MTUS2: variants seen among roughly 807,000 people sequenced by gnomAD.
MTUS2 encodes the protein microtubule-associated tumor suppressor candidate 2.
In MTUS2, 40 loss-of-function variants were observed where a neutral mutation model predicts 114.1. That is an observed-to-expected ratio of 0.35 (90% CI 0.27 to 0.46). The LOEUF (loss-of-function observed/expected upper bound fraction) is 0.46. Ranked by LOEUF, MTUS2 falls within the 20% of genes least tolerant of loss-of-function variation. MTUS2 has a pLI of 1.00. For synonymous variants in MTUS2, 688 were observed against 672.0 expected, an observed-to-expected ratio of 1.02 and a Z score of -0.37; for missense variants, 1,679 against 1,705.4, an observed-to-expected ratio of 0.98 and a Z score of 0.27.
At chr13:29,252,091 A>G (rs1030854367) in intron 5 of MTUS2, among the ~76,000 whole-genome samples, 1 of 152,208 alleles carries the variant, frequency 6.6e-6, no homozygotes, top group African/African-American at 2.4e-5. Context: ...GCATAGAAAT[A>G]AAACTGATTT....
chr13:28,989,437 A>G (rs1884724871), intron 2 of MTUS2, among the ~76,000 whole-genome samples: 1 of 152,256 alleles, frequency 6.6e-6, no homozygotes, highest in Non-Finnish European at 1.5e-5. Context: ...AATTGGCCTC[A>G]TTAACAAAGT....
rs114864476 is a variant in MTUS2, at chr13:29,140,485, A to G, written c.2644+39515A>G. ...AGCGTAGTGAAGGAGAACAGAAATC[A>G]GTGCTAAATGCCGCAGTTATTTCTG... On this transcript the variant is annotated intron_variant, in intron 5 of 15. Coordinates refer to ENST00000612955, the MANE Select transcript of MTUS2 (RefSeq NM_001033602.4). 8.3e-4 allele frequency among the ~76,000 whole-genome samples: 126 copies of G among 152,348 alleles called. 1 individual carries two copies. The highest frequency in any genetic ancestry group is 2.9e-3 in the African/African-American group (121 of 41,584).
intron 2 of MTUS2, among the ~76,000 whole-genome samples, chr13:28,842,091 G>A (rs527502267): frequency 2.0e-5 from 3 of 152,238 alleles, no homozygotes; most frequent in South Asian, 2.1e-4. Context: ...AAACATGATC[G>A]ATTACAAACA....
chr13:28,893,040 C>T (rs1239062560), intron 2 of MTUS2, among the ~76,000 whole-genome samples: 1 of 152,118 alleles, frequency 6.6e-6, no homozygotes, highest in African/African-American at 2.4e-5. Context: ...GATGGCCTTC[C>T]ACATGGTTGG....
Position 28,927,885 on chromosome 13 carries a change from C to A in MTUS2, c.-243+88035C>A, listed in dbSNP as rs1407696341. Among the ~76,000 whole-genome samples the A allele has an allele frequency of 5.3e-5, 8 of 152,084 alleles. 1 individual carries two copies. On this transcript the variant is annotated intron_variant, in intron 2 of 15. Coordinates refer to ENST00000612955, the MANE Select transcript of MTUS2 (RefSeq NM_001033602.4). ...AAAATATACTACAAAGCTACAGTAA[C>A]CAAATCAGCATGGTACTGGCATAAA... is the stretch of plus-strand genomic sequence containing the variant.
intron 2 of MTUS2, among the ~76,000 whole-genome samples, chr13:28,929,461 AACAT>A (rs1216722506): frequency 1.3e-5 from 2 of 152,214 alleles, no homozygotes. Context: ...ATCAATAAAA[AACAT>A]AAAAATATTT....
intron 5 of MTUS2, among the ~76,000 whole-genome samples, chr13:29,257,089 G>A (rs1897305315): frequency 6.6e-6 from 1 of 152,100 alleles, no homozygotes; most frequent in Non-Finnish European, 1.5e-5. Context: ...TGCTTAGCTG[G>A]GACCCTTCCT....
intron 5 of MTUS2, among the ~76,000 whole-genome samples, chr13:29,169,070 A>C (rs1247820319): frequency 1.3e-5 from 2 of 152,172 alleles, no homozygotes; most frequent in Admixed American, 1.3e-4. Flanking sequence ...TTGATAGGAC[A>C]GCTGCCTCAG....
At chr13:29,208,221 G>C (rs1305408423) in intron 5 of MTUS2, among the ~76,000 whole-genome samples, 1 of 152,016 alleles carries the variant, frequency 6.6e-6, no homozygotes, top group Admixed American at 6.6e-5. Context: ...TGCATGTAAA[G>C]GTGTTCATAG....
chr13:29,131,543 A>C (rs187844270), intron 5 of MTUS2, among the ~76,000 whole-genome samples: 2 of 152,262 alleles, frequency 1.3e-5, no homozygotes, highest in African/African-American at 4.8e-5. Context: ...GGCCATGGCA[A>C]TGGTGGGGCA....
At chr13:29,007,662 G>A (rs1403026388) in intron 2 of MTUS2, among the ~76,000 whole-genome samples, 1 of 152,158 alleles carries the variant, frequency 6.6e-6, no homozygotes, top group Non-Finnish European at 1.5e-5. Flanking sequence ...AAGATGACAA[G>A]GATGAAGACC....
intron 5 of MTUS2, among the ~76,000 whole-genome samples, chr13:29,115,399 T>C (rs1380230296): frequency 1.3e-5 from 2 of 152,210 alleles, no homozygotes; most frequent in Non-Finnish European, 2.9e-5. Flanking sequence ...GAATTTGGCA[T>C]TGGGATCTGA....
chr13:29,273,568 G>T (rs559192729), intron 5 of MTUS2, among the ~76,000 whole-genome samples: 2 of 152,188 alleles, frequency 1.3e-5, no homozygotes, highest in South Asian at 4.1e-4. Flanking sequence ...TTCAAGTACC[G>T]TAAAATTTAC....
At chr13:29,422,639 A>ATTTCT (rs1401048649) in intron 8 of MTUS2, among the ~76,000 whole-genome samples, 2 of 123,454 alleles carry the variant, frequency 1.6e-5, no homozygotes, top group African/African-American at 6.1e-5. Flanking sequence ...TGATGTCATG[A>ATTTCT]TTTCTTTTCT....
chr13:28,883,777 A>T (rs546696492), intron 2 of MTUS2, among the ~76,000 whole-genome samples: 1 of 152,166 alleles, frequency 6.6e-6, no homozygotes, highest in South Asian at 2.1e-4. Flanking sequence ...CACTGAAGAG[A>T]TGCTTAATAT....
chr13:29,276,339 C>A (rs900818943), intron 5 of MTUS2, among the ~76,000 whole-genome samples: 1 of 152,152 alleles, frequency 6.6e-6, no homozygotes, highest in Non-Finnish European at 1.5e-5. Flanking sequence ...ATTTTTCAGT[C>A]ATATATATAC....
At chr13:28,864,653 C>T (rs1161454) in intron 2 of MTUS2, among the ~76,000 whole-genome samples, 1 of 152,170 alleles carries the variant, frequency 6.6e-6, no homozygotes, top group African/African-American at 2.4e-5. Context: ...AGAAGTTGTA[C>T]GGTTTTAAGT....
At chr13:29,102,354 A>C (rs781762039) in intron 5 of MTUS2, among the ~76,000 whole-genome samples, 2 of 152,172 alleles carry the variant, frequency 1.3e-5, no homozygotes, top group Non-Finnish European at 2.9e-5. Flanking sequence ...AGGAGTTAAG[A>C]TTTTGATGTC....
intron 8 of MTUS2, among the ~76,000 whole-genome samples, chr13:29,383,103 G>A (rs1872338119): frequency 6.6e-6 from 1 of 152,070 alleles, no homozygotes; most frequent in Non-Finnish European, 1.5e-5. Flanking sequence ...TGTATTTAAT[G>A]ATGGATATAT....
Sources: allele counts gnomAD v4.1 joint callset (sites outside exome capture counted in the v4.1 genomes callset), GRCh38; gene constraint gnomAD v4.1.1; transcripts MANE v1.5; gene names NCBI Gene and HGNC (gene_info 2026-07-23, HGNC 2026-07-21).